CELF2: variants seen among roughly 807,000 people sequenced by gnomAD.
CELF2 encodes CUG triplet repeat RNA-binding protein 2.
In CELF2, 8 loss-of-function variants were observed where a neutral mutation model predicts 62.6. The ratio of observed to expected loss-of-function variants is 0.13; its 90% confidence interval spans 0.07 to 0.23. The LOEUF (loss-of-function observed/expected upper bound fraction) is 0.23. Among genes scored for constraint, CELF2 ranks in the 10% least tolerant of loss-of-function variants. The pLI, the probability that CELF2 is intolerant of heterozygous loss-of-function variation, is 1.00. For missense variants in CELF2, 333 were observed against 671.0 expected (o/e 0.50, Z 5.56); for synonymous variants, 258 against 250.0 (o/e 1.03, Z -0.30).
At chr10:10,481,971 A>G in the CELF2 span, among the ~76,000 whole-genome samples, 1 of 152,154 alleles carries the variant, frequency 6.6e-6, no homozygotes, top group Non-Finnish European at 1.5e-5. Flanking sequence ...TGAATCCTCA[A>G]TGGCCACATT....
Position 11,306,564 on chromosome 10 carries a change from C to T in CELF2, c.977-7575C>T, listed in dbSNP as rs1297062695. On this transcript the variant is annotated intron_variant, in intron 9 of 12. Coordinates refer to ENST00000633077, the MANE Select transcript of CELF2 (RefSeq NM_001326342.2). The surrounding 1 kb of genome is among the most constrained non-coding windows in gnomAD (Gnocchi z 4.4). ...TCTTATGCTTTAAATTATTTGTTAA[C>T]ATTCAGAAGGTTCTTAAAGGTGGCT... is the stretch of plus-strand genomic sequence containing the variant. Among the ~76,000 whole-genome samples the T allele has an allele frequency of 2.0e-5, 3 of 152,128 alleles. No individual in the cohort carries two copies. Among genetic ancestry groups the T allele is most frequent in the African/African-American group, 7.2e-5 (3 of 41,436 alleles).
chr10:11,226,139 T>G (rs1407043415), intron 3 of CELF2, among the ~76,000 whole-genome samples: 2 of 152,180 alleles, frequency 1.3e-5, no homozygotes, highest in Admixed American at 6.5e-5. Flanking sequence ...AAGTAGCTCC[T>G]CTTTATGGGT....
chr10:10,621,200 C>A, the CELF2 span, among the ~76,000 whole-genome samples: 5 of 144,308 alleles, frequency 3.5e-5, no homozygotes, highest in Non-Finnish European at 6.0e-5. Flanking sequence ...GCAGAGATGG[C>A]GCCATTGCAT....
intron 8 of CELF2, among the ~76,000 whole-genome samples, chr10:11,287,517 A>G (rs2091635155): frequency 6.6e-6 from 1 of 152,214 alleles, no homozygotes; most frequent in South Asian, 2.1e-4. Context: ...TTTTTTTCAT[A>G]ATTTTCATGA....
the CELF2 span, among the ~76,000 whole-genome samples, chr10:10,565,394 A>G: frequency 1.3e-5 from 2 of 152,254 alleles, no homozygotes; most frequent in African/African-American, 4.8e-5. Context: ...AGACCCCTGC[A>G]AAGGGGAGGT....
Position 11,012,061 on chromosome 10 carries a change from C to T in CELF2, c.53+6621C>T, listed in dbSNP as rs1264143179. On this transcript the variant is annotated intron_variant, in intron 1 of 12. Transcript: ENST00000416382. The surrounding 1 kb of genome is among the most constrained non-coding windows in gnomAD (Gnocchi z 5.5). Reference sequence around the variant, plus strand: ...AGCCATTCATCTCTATTAGGAAGTACGGAATGGCCACGCTTAAGAAGAAAG... The same window carrying T: ...AGCCATTCATCTCTATTAGGAAGTATGGAATGGCCACGCTTAAGAAGAAAG... 6.6e-6 allele frequency among the ~76,000 whole-genome samples: 1 copy of T among 152,112 alleles called. No individual in the cohort carries two copies. The highest frequency in any genetic ancestry group is 2.4e-5 in the African/African-American group (1 of 41,416).
the CELF2 span, among the ~76,000 whole-genome samples, chr10:10,706,337 G>T: frequency 6.6e-6 from 1 of 152,192 alleles, no homozygotes; most frequent in Non-Finnish European, 1.5e-5. Context: ...TCTTGAGTGA[G>T]TGGGTGAATA....
At chr10:10,473,079 G>A in the CELF2 span, among the ~76,000 whole-genome samples, 41 of 152,050 alleles carry the variant, frequency 2.7e-4, no homozygotes, top group African/African-American at 7.7e-4. Context: ...CAAAAAATAC[G>A]TTGAAGTCAT....
At chr10:11,023,608 T>C (rs2138269466) in intron 1 of CELF2, among the ~76,000 whole-genome samples, 1 of 152,326 alleles carries the variant, frequency 6.6e-6, no homozygotes, top group East Asian at 1.9e-4. Context: ...TTTAGACTCC[T>C]CCTAAAGGAC....
chr10:10,920,720 A>C (rs2064814111), intron 2 of CELF2, among the ~76,000 whole-genome samples: 1 of 144,844 alleles, frequency 6.9e-6, no homozygotes, highest in Non-Finnish European at 1.5e-5. Flanking sequence ...GGAAGGAGGA[A>C]GGGAGGAAAG....
intron 1 of CELF2, among the ~76,000 whole-genome samples, chr10:10,838,476 G>C (rs1382086426): frequency 6.6e-6 from 1 of 152,008 alleles, no homozygotes; most frequent in Non-Finnish European, 1.5e-5. Flanking sequence ...CCTACTTCAG[G>C]GCAGGATATC....
chr10:10,716,695 G>T, the CELF2 span, among the ~76,000 whole-genome samples: 3 of 152,062 alleles, frequency 2.0e-5, no homozygotes, highest in African/African-American at 7.2e-5. Context: ...TGCAACCCCA[G>T]GTGCACACCA....
upstream of CELF2, among the ~76,000 whole-genome samples, chr10:10,796,220 T>C (rs916585633): frequency 1.3e-5 from 2 of 152,162 alleles, no homozygotes; most frequent in African/African-American, 4.8e-5. Flanking sequence ...ATGTCTTCAT[T>C]TGCATTAACA....
intron 5 of CELF2, among the ~76,000 whole-genome samples, chr10:11,263,159 C>A (rs1290730337): frequency 2.6e-5 from 4 of 151,850 alleles, no homozygotes; most frequent in Admixed American, 2.6e-4. Flanking sequence ...AGAAACCTTT[C>A]CCCAGTCAAT....
In CELF2 at chr10:11,209,623, G is replaced by A. The variant is rs150975532; in HGVS notation, c.272-7802G>A. 3.2e-3 allele frequency among the ~76,000 whole-genome samples: 489 copies of A among 150,894 alleles called. 5 individuals are homozygous for A. The highest frequency in any genetic ancestry group is 0.011 in the African/African-American group (461 of 41,040). On this transcript the variant is annotated intron_variant, in intron 2 of 12. Coordinates refer to ENST00000633077, the MANE Select transcript of CELF2 (RefSeq NM_001326342.2). ...GTTTTCTTGAAAATTTTAATTCAGG[G>A]GATTTTTGATGGGTTTTTTTTTAAC... is the stretch of plus-strand genomic sequence containing the variant.
chr10:11,145,488 C>T lies in CELF2; in HGVS notation c.75-19998C>T, dbSNP rs190386466. On this transcript the variant is annotated intron_variant, in intron 1 of 12. Coordinates refer to ENST00000633077, the MANE Select transcript of CELF2 (RefSeq NM_001326342.2). The surrounding 1 kb of genome is among the most constrained non-coding windows in gnomAD (Gnocchi z 4.3). ...TAATATAAGAATCAGGTAAAATTGTCCGCACAGAACCAGTTGGTGGGGTGG... is the reference window on the plus strand; with the variant it reads ...TAATATAAGAATCAGGTAAAATTGTTCGCACAGAACCAGTTGGTGGGGTGG... Among the ~76,000 whole-genome samples the T allele has an allele frequency of 6.6e-6, 1 of 152,290 alleles. No homozygotes were observed. The highest frequency in any genetic ancestry group is 1.9e-4 in the East Asian group (1 of 5,190).
chr10:11,038,060 T>G (rs992510913), intron 1 of CELF2, among the ~76,000 whole-genome samples: 1 of 152,156 alleles, frequency 6.6e-6, no homozygotes, highest in African/African-American at 2.4e-5. Flanking sequence ...TAGGTAGCCA[T>G]GTTAAGTTAT....
the CELF2 span, among the ~76,000 whole-genome samples, chr10:10,634,715 G>A: frequency 6.7e-6 from 1 of 149,988 alleles, no homozygotes; most frequent in Non-Finnish European, 1.5e-5. Context: ...AGGCTGGAGT[G>A]CAGTGGTGTG....
chr10:11,165,723 G>C lies in CELF2; in HGVS notation c.271+41G>C, dbSNP rs1270881267. 5.1e-6 allele frequency: 8 copies of C among 1,557,282 alleles called. No individual in the cohort carries two copies. Among genetic ancestry groups the C allele is most frequent in the Non-Finnish European group, 7.0e-6 (8 of 1,149,866 alleles). On this transcript the variant is annotated intron_variant, in intron 2 of 12. Transcript: ENST00000633077. The surrounding 1 kb of genome is among the most constrained non-coding windows in gnomAD (Gnocchi z 7.4). ...CGGGGGTCGCCAGGCGTCCAGGTGG[G>C]CGTCGCGGGGCACTGGGGCTGTCCG...
Sources: allele counts gnomAD v4.1 joint callset (sites outside exome capture counted in the v4.1 genomes callset), GRCh38; gene constraint gnomAD v4.1.1; non-coding constraint Gnocchi (gnomAD v3.1); transcripts MANE v1.5; gene names NCBI Gene and HGNC (gene_info 2026-07-23, HGNC 2026-07-21).